The following MINDY4 variants were observed in gnomAD, a reference collection of about 807,000 sequenced individuals.
The protein encoded by MINDY4 is MINDY lysine 48 deubiquitinase 4.
In MINDY4, 68 loss-of-function variants were observed where a neutral mutation model predicts 87.0. The ratio of observed to expected loss-of-function variants is 0.78; its 90% CI spans 0.64 to 0.96. The LOEUF (loss-of-function observed/expected upper bound fraction) is 0.96, where lower values mean the gene tolerates loss of function less well. MINDY4 is among the 40% of genes least tolerant of loss of function. The pLI is 0.00. For synonymous variants in MINDY4, 379 were observed against 363.2 expected (o/e 1.04, Z -0.50); for missense variants, 919 against 928.2 (o/e 0.99, Z 0.13).
intron 5 of MINDY4, among the ~76,000 whole-genome samples, chr7:30,820,414 G>T (rs1477745930): frequency 6.6e-6 from 1 of 151,906 alleles, no homozygotes; most frequent in Non-Finnish European, 1.5e-5. Context: ...ACAATTCAGT[G>T]GCATTTAGTA....
rs572528928 is a variant in MINDY4 at position 30,834,925 on chromosome 7, T to C, written c.1133-1733T>C. The stretch of plus-strand genomic sequence containing the variant: ...TCTCCATCTGAGACCTTATTGTTCA[T>C]ACTACTATCCGCATTTTTGTCAAAG... On this transcript the variant is annotated intron_variant, in intron 6 of 17. Coordinates refer to ENST00000265299, the MANE Select transcript of MINDY4 (RefSeq NM_032222.3). 4.6e-5 allele frequency among the ~76,000 whole-genome samples: 7 copies of C among 152,346 alleles called. No individual in the cohort carries two copies. The South Asian group carries it at 6.2e-4, about 14-fold the overall frequency.
chr7:30,809,376 G>GAAAA (rs57725704), intron 5 of MINDY4, among the ~76,000 whole-genome samples: 5 of 86,766 alleles, frequency 5.8e-5, no homozygotes, highest in Admixed American at 1.2e-4. Context: ...GTATCCTAAG[G>GAAAA]AAAAAAAAAA....
chr7:30,854,437 G>C (rs1370730918), intron 12 of MINDY4, among the ~76,000 whole-genome samples: 1 of 152,116 alleles, frequency 6.6e-6, no homozygotes, highest in Non-Finnish European at 1.5e-5. Flanking sequence ...GAAATGAGAG[G>C]GAAGCATTAC....
chr7:30,842,093 A>T (rs1180986576), intron 9 of MINDY4, among the ~76,000 whole-genome samples: 1 of 152,222 alleles, frequency 6.6e-6, no homozygotes, highest in Non-Finnish European at 1.5e-5. Flanking sequence ...GTGGCTTTTC[A>T]TGCTTGGCAT....
chr7:30,869,146 C>T (rs1292360801), intron 13 of MINDY4, among the ~76,000 whole-genome samples: 2 of 152,148 alleles, frequency 1.3e-5, no homozygotes, highest in Non-Finnish European at 2.9e-5. Context: ...CTCTGAGGGC[C>T]CAGGGTCATC....
intron 3 of MINDY4, among the ~76,000 whole-genome samples, chr7:30,783,634 G>C (rs1044484222): frequency 6.6e-6 from 1 of 152,136 alleles, no homozygotes; most frequent in Non-Finnish European, 1.5e-5. Context: ...CTTTGGGGGG[G>C]TCACTATTCA....
At chr7:30,803,389 A>T (rs1318866699) in intron 5 of MINDY4, 1 of 152,236 alleles carries the variant, frequency 6.6e-6, no homozygotes, top group Non-Finnish European at 1.5e-5. Context: ...GTCTTTCCTT[A>T]ACTTAAGAAG....
Position 30,875,505 on chromosome 7 carries a change from A to G in MINDY4, c.1820A>G (p.Asn607Ser), listed in dbSNP as rs749707796. The change falls in exon 15 of 18, where the codon AAT becomes AGT. Residue 607 changes from asparagine to serine, a missense_variant. By Grantham distance (46) the Asn-to-Ser change is conservative (BLOSUM62 1). Transcript: ENST00000265299. ...AHGYCTQELVNLLLTGKAVSN... is the reference protein window; with the variant it reads ...AHGYCTQELVSLLLTGKAVSN... ...TTCTCTCATCTGCAGGAACTTGTCA[A>G]TCTGCTCCTGACTGGGAAAGCTGTG... 65 of 1,614,048 alleles carry G rather than the reference A, an allele frequency of 4.0e-5. No individual in the cohort carries two copies. The South Asian group carries it at 6.1e-4, about 15-fold the overall frequency.
Position 30,869,662 on chromosome 7 carries a change from G to T in MINDY4, c.1746-2581G>T, listed in dbSNP as rs375619928. Among the ~76,000 whole-genome samples, 8 of 152,108 alleles carry T rather than the reference G, an allele frequency of 5.3e-5. No homozygotes were observed. The South Asian group carries it at 1.7e-3, about 32-fold the overall frequency. On this transcript the variant is annotated intron_variant, in intron 13 of 17. Transcript: ENST00000265299. ...CTTCTTCCAAGTCAGATTGCATTAG[G>T]GCCTACCCTAATGGCCTCATTTTAA... is the stretch of plus-strand genomic sequence containing the variant.
chr7:30,801,313 A>C (rs1004563503), intron 5 of MINDY4, among the ~76,000 whole-genome samples: 3 of 152,200 alleles, frequency 2.0e-5, no homozygotes, highest in African/African-American at 7.2e-5. Context: ...CAGACTATTA[A>C]GGTTCAAAAT....
At chr7:30,886,434 G>A (rs1790634456) in intron 17 of MINDY4, among the ~76,000 whole-genome samples, 1 of 152,202 alleles carries the variant, frequency 6.6e-6, no homozygotes, top group African/African-American at 2.4e-5. Flanking sequence ...GAACCCCCAA[G>A]CCACACAGCT....
chr7:30,802,823 ACCAACCAACCATC>A (rs996823203), intron 5 of MINDY4, among the ~76,000 whole-genome samples: 2 of 152,060 alleles, frequency 1.3e-5, no homozygotes, highest in African/African-American at 4.8e-5. Context: ...TGACCACCCA[ACCAACCAACCATC>A]CCAACCGACC....
intron 1 of MINDY4, among the ~76,000 whole-genome samples, chr7:30,772,857 G>A (rs1345387608): frequency 6.6e-6 from 1 of 151,980 alleles, no homozygotes; most frequent in Non-Finnish European, 1.5e-5. Context: ...TCTTAGAGAG[G>A]GCTTCCTCGT....
intron 5 of MINDY4, among the ~76,000 whole-genome samples, chr7:30,827,845 A>G (rs1436565643): frequency 6.6e-6 from 1 of 152,240 alleles, no homozygotes; most frequent in African/African-American, 2.4e-5. Context: ...CTTCAATCAT[A>G]TCTTACCCTG....
At chr7:30,861,651 C>T (rs938773220) in intron 13 of MINDY4, among the ~76,000 whole-genome samples, 3 of 152,204 alleles carry the variant, frequency 2.0e-5, no homozygotes, top group African/African-American at 7.2e-5. Context: ...GAATTCCTGC[C>T]TCATAAGATG....
chr7:30,804,946 C>T (rs545052513), intron 5 of MINDY4, among the ~76,000 whole-genome samples: 1 of 152,286 alleles, frequency 6.6e-6, no homozygotes, highest in Non-Finnish European at 1.5e-5. Flanking sequence ...GTTGGTGTAG[C>T]TGGAGCCCAG....
chr7:30,871,961 A>G (rs1029437989), intron 13 of MINDY4, among the ~76,000 whole-genome samples: 5 of 152,142 alleles, frequency 3.3e-5, no homozygotes, highest in African/African-American at 4.8e-5. Flanking sequence ...GTCACGCTTC[A>G]GTCGCTGTTC....
At chr7:30,836,463 C>T (rs764755647) in intron 6 of MINDY4, among the ~76,000 whole-genome samples, 195 bp from the exon 7 acceptor site, 11 of 152,234 alleles carry the variant, frequency 7.2e-5, no homozygotes, top group Non-Finnish European at 1.2e-4. Context: ...CATGGACTCT[C>T]TTGATCTGGT....
intron 5 of MINDY4, among the ~76,000 whole-genome samples, chr7:30,816,675 T>G (rs1035385398): frequency 7.0e-6 from 1 of 142,286 alleles, no homozygotes; most frequent in Non-Finnish European, 1.5e-5. Flanking sequence ...TTTGTCATCA[T>G]GGACCCAGAT....
Sources: gnomAD v4.1 joint callset for allele counts (sites outside exome capture counted in the v4.1 genomes callset) on GRCh38, gnomAD v4.1.1 for gene constraint, MANE v1.5 for transcripts, NCBI Gene and HGNC (gene_info 2026-07-23, HGNC 2026-07-21) for gene names.